The following ARHGAP21 variants were observed in gnomAD, a reference collection of about 807,000 sequenced individuals.
The protein encoded by ARHGAP21 is Rho GTPase activating protein 21.
Under a neutral mutation model 164.6 loss-of-function variants are expected in ARHGAP21, and 38 were observed. The observed-to-expected ratio is 0.23, with a 90% CI of 0.18 to 0.30. The LOEUF (loss-of-function observed/expected upper bound fraction) is 0.30, where lower values mean the gene tolerates loss of function less well. Ranked by LOEUF, ARHGAP21 falls within the 10% of genes least tolerant of loss-of-function variation. ARHGAP21 has a pLI of 1.00. For synonymous variants in ARHGAP21, 766 were observed against 857.9 expected, an observed-to-expected ratio of 0.89 and a Z score of 1.87; for missense variants, 1,822 against 2,370.7, an observed-to-expected ratio of 0.77 and a Z score of 4.81.
intron 9 of ARHGAP21, among the ~76,000 whole-genome samples, chr10:24,612,609 C>T (rs1467069715): frequency 6.6e-6 from 1 of 151,872 alleles, no homozygotes; most frequent in African/African-American, 2.4e-5. Context: ...AATCCCAGCA[C>T]TTTGGGAGGC....
chr10:24,613,351 T>G (rs138701713), intron 9 of ARHGAP21, among the ~76,000 whole-genome samples: 16 of 152,336 alleles, frequency 1.1e-4, no homozygotes, highest in African/African-American at 3.1e-4. Context: ...AAGTCCTGTT[T>G]TATATGAACT....
chr10:24,586,592 A>G (rs1435238704), intron 25 of ARHGAP21, among the ~76,000 whole-genome samples: 1 of 152,220 alleles, frequency 6.6e-6, no homozygotes, highest in Non-Finnish European at 1.5e-5. Context: ...TTTTCTAATT[A>G]CAGGTACCAC....
chr10:24,657,925 G>A (rs1364712342), intron 4 of ARHGAP21, among the ~76,000 whole-genome samples: 51 of 136,048 alleles, frequency 3.7e-4, no homozygotes, highest in African/African-American at 1.3e-3. Flanking sequence ...GAAGGCCGCA[G>A]GGTCCTCTGC....
At chr10:24,591,618 C>T in intron 23 of ARHGAP21, 24 bp downstream of exon 23, 1 of 1,612,674 alleles carries the variant, frequency 6.2e-7, no homozygotes, top group Non-Finnish European at 8.5e-7. Context: ...CTACTGAGTA[C>T]AAATGCTGAC....
intron 7 of ARHGAP21, among the ~76,000 whole-genome samples, chr10:24,627,443 C>T (rs1429038253): frequency 3.7e-5 from 5 of 135,556 alleles, no homozygotes; most frequent in Admixed American, 2.3e-4. Context: ...TAATGAATTA[C>T]ACTACATTCA....
In ARHGAP21 at chr10:24,591,206, C is replaced by T; in HGVS notation, c.4150+19G>A. ...GTAGCTTTCAGCCTAGAGGTCAAGA[C>T]TGCCCAGGCAAGAGTTACCTGATAC... is the stretch of plus-strand genomic sequence containing the variant. On this transcript the variant is annotated intron_variant, in intron 24 of 25. Transcript: ENST00000396432. 6.3e-7 allele frequency: 1 copy of T among 1,581,312 alleles called. No homozygotes were observed.
intron 2 of ARHGAP21, among the ~76,000 whole-genome samples, chr10:24,692,487 T>C (rs1842831446): frequency 6.6e-6 from 1 of 152,208 alleles, no homozygotes; most frequent in Non-Finnish European, 1.5e-5. Flanking sequence ...GCTCTATATT[T>C]TGGAAACAGT....
Position 24,659,462 on chromosome 10 carries a change from T to C in ARHGAP21, c.268+7523A>G, listed in dbSNP as rs184619908. Among the ~76,000 whole-genome samples the C allele has an allele frequency of 3.2e-4, 48 of 152,260 alleles. 1 individual carries two copies. In the East Asian group the frequency reaches 9.1e-3, roughly 29 times the overall value. On this transcript the variant is annotated intron_variant, in intron 4 of 25. Transcript: ENST00000396432. Reference sequence around the variant, plus strand: ...TTGCGAGTAGCTGGGATTACAGGCATGTGCCACCACACCCGGCTAATTTTG... The same window carrying C: ...TTGCGAGTAGCTGGGATTACAGGCACGTGCCACCACACCCGGCTAATTTTG...
At chr10:24,707,320 A>T (rs1199841852) in intron 2 of ARHGAP21, among the ~76,000 whole-genome samples, 3 of 152,230 alleles carry the variant, frequency 2.0e-5, no homozygotes, top group Non-Finnish European at 4.4e-5. Context: ...AACATCTGTA[A>T]CATGCTTAAA....
At chr10:24,670,422 T>A (rs201984558) in intron 2 of ARHGAP21, 25 bp from the exon 3 acceptor site, 1 of 1,539,080 alleles carries the variant, frequency 6.5e-7, no homozygotes, top group Admixed American at 1.8e-5. Context: ...TATTTAAAAG[T>A]TAACTACATA....
chr10:24,719,204 A>G (rs1328588715), intron 2 of ARHGAP21, among the ~76,000 whole-genome samples: 1 of 152,150 alleles, frequency 6.6e-6, no homozygotes, highest in East Asian at 1.9e-4. Flanking sequence ...GTATAAAAGT[A>G]TATAAATTCG....
chr10:24,596,484 AAC>A lies in ARHGAP21; in HGVS notation c.3477+254_3477+255del, dbSNP rs1430192846. 3.8e-5 allele frequency: 21 copies of A among 552,766 alleles called. No individual in the cohort carries two copies. In the South Asian group the frequency reaches 4.0e-4, roughly 11 times the overall value. The allele number at this position is 552,766 out of a possible 1,614,324, so 34.2% of individuals were successfully genotyped here. On this transcript the variant is annotated intron_variant, in intron 17 of 25. Coordinates refer to ENST00000396432, the MANE Select transcript of ARHGAP21 (RefSeq NM_020824.4). ...CTTGTTTTAAAATGCTAAAAGCAGAAACACACGATTTGAAGACGAATTCTTAC... is the reference window on the plus strand; with the variant it reads ...CTTGTTTTAAAATGCTAAAAGCAGAAACACGATTTGAAGACGAATTCTTAC...
intron 25 of ARHGAP21, among the ~76,000 whole-genome samples, chr10:24,588,737 AT>A (rs1325279233): frequency 6.6e-6 from 1 of 152,222 alleles, no homozygotes; most frequent in Non-Finnish European, 1.5e-5. Flanking sequence ...GGGAACACAG[AT>A]TGTGTAAAAA....
At chr10:24,621,496 G>A in intron 8 of ARHGAP21, 127 bp from the exon 9 acceptor site, 1 of 798,456 alleles carries the variant, frequency 1.3e-6, no homozygotes, top group South Asian at 1.9e-5. Flanking sequence ...TAGCATGCAT[G>A]CAAACACAAC....
rs752404978 is a variant in ARHGAP21 at position 24,619,897 on chromosome 10, C to G, written c.1998G>C (p.Trp666Cys). ...GATCGGGGGCACTGTCAGTCCTTACCCATGTCTGCTGATTCAACAGACTGT... is the reference window on the plus strand; with the variant it reads ...GATCGGGGGCACTGTCAGTCCTTACGCATGTCTGCTGATTCAACAGACTGT... ...HQNSLLNQQTWVRTDSAPDQQ... is the reference protein window; with the variant it reads ...HQNSLLNQQTCVRTDSAPDQQ... Residue 666 changes from tryptophan (W) to cysteine (C), a missense_variant, in exon 9 of 26, where the codon TGG becomes TGC. By Grantham distance (215) the Trp-to-Cys change is radical. Around this residue, in one of 5 missense-constraint regions of ARHGAP21, gnomAD observed 1,090 missense variants for 1,378.9 expected, o/e 0.79. Transcript: ENST00000396432. 1 of 1,614,112 alleles carries G rather than the reference C, an allele frequency of 6.2e-7. No homozygotes were observed. Among genetic ancestry groups the G allele is most frequent in the Non-Finnish European group, 8.5e-7 (1 of 1,180,032 alleles).
rs1350982904 is a variant in ARHGAP21, at chr10:24,597,448, T to G, written c.3333A>C (p.Lys1111Asn). ...KEESERKLLSKDDTSPPKDKG... is the reference protein window; with the variant it reads ...KEESERKLLSNDDTSPPKDKG... Reference sequence around the variant, plus strand: ...TTGTTAGAAAGCTAACATCAATACCTTTACTGAGAAGTTTCCTTTCCGACT... The same window carrying G: ...TTGTTAGAAAGCTAACATCAATACCGTTACTGAGAAGTTTCCTTTCCGACT... Residue 1111 changes from lysine (K) to asparagine (N), a missense_variant and splice_region_variant, in exon 16 of 26, where the codon AAA (lysine) becomes AAC (asparagine). Around this residue, in one of 5 missense-constraint regions of ARHGAP21, gnomAD observed 1,090 missense variants for 1,378.9 expected, o/e 0.79. Coordinates refer to ENST00000396432, the MANE Select transcript of ARHGAP21 (RefSeq NM_020824.4). The G allele has an allele frequency of 3.7e-6, 6 of 1,612,284 alleles. No individual in the cohort carries two copies. The highest frequency in any genetic ancestry group is 1.6e-4 in the Middle Eastern group (1 of 6,062).
chr10:24,623,776 G>T (rs1192633515), intron 7 of ARHGAP21, among the ~76,000 whole-genome samples: 1 of 152,188 alleles, frequency 6.6e-6, no homozygotes, highest in Non-Finnish European at 1.5e-5. Context: ...AAACCACGAC[G>T]ACACTAATGT....
At chr10:24,716,122 C>T (rs944861879) in intron 2 of ARHGAP21, among the ~76,000 whole-genome samples, 1 of 152,192 alleles carries the variant, frequency 6.6e-6, no homozygotes, top group African/African-American at 2.4e-5. Context: ...TTATTGACAA[C>T]CTATTATGTG....
At chr10:24,658,564 A>T (rs370420448) in intron 4 of ARHGAP21, among the ~76,000 whole-genome samples, 1 of 152,208 alleles carries the variant, frequency 6.6e-6, no homozygotes, top group African/African-American at 2.4e-5. Context: ...TCATCTGAGC[A>T]AACTATCGCA....
Sources: gnomAD v4.1 joint callset for allele counts (sites outside exome capture counted in the v4.1 genomes callset) on GRCh38, gnomAD v4.1.1 for gene constraint, gnomAD v4.1.1 regional missense constraint, MANE v1.5 for transcripts, NCBI Gene and HGNC (gene_info 2026-07-23, HGNC 2026-07-21) for gene names.